ARRDC2: variants seen among roughly 807,000 people sequenced by gnomAD.
The protein encoded by ARRDC2 is arrestin domain-containing protein 2.
A neutral mutation model predicts 38.9 loss-of-function variants in ARRDC2; 39 were observed. The observed-to-expected ratio is 1.00, with a 90% CI of 0.78 to 1.31. ARRDC2 has a LOEUF of 1.31. Among genes scored for constraint, ARRDC2 ranks in the 50% most tolerant of loss-of-function variants. The pLI is 0.00. For missense variants in ARRDC2, 553 were observed against 588.4 expected, an observed-to-expected ratio of 0.94 and a Z score of 0.62; for synonymous variants, 300 against 261.9, an observed-to-expected ratio of 1.15 and a Z score of -1.41.
rs1302320298 is a variant in ARRDC2, at chr19:18,008,452, A to AGGCTGCGCGCGCGG, written c.146_159dup (p.Arg54CysfsTer34). ...AAGCGCCGCGCGTGTGGGTGCCCTG[A>AGGCTGCGCGCGCGG]GGCTGCGCGCGCGGGGCCGCGCCCA... On this transcript the variant is annotated frameshift_variant, in exon 1 of 8. Coordinates refer to ENST00000222250, the MANE Select transcript of ARRDC2 (RefSeq NM_015683.2). LOFTEE classifies it high-confidence loss of function. 3.2e-6 allele frequency: 5 copies of AGGCTGCGCGCGCGG among 1,552,980 alleles called. No homozygotes were observed. Among genetic ancestry groups the AGGCTGCGCGCGCGG allele is most frequent in the Non-Finnish European group, 3.5e-6 (4 of 1,157,256 alleles).
At chr19:18,009,157 G>A in intron 3 of ARRDC2, 39 bp downstream of exon 3, 2 of 1,606,018 alleles carry the variant, frequency 1.2e-6, no homozygotes, top group South Asian at 1.1e-5. Context: ...TGGGAGTATT[G>A]TAGGAAGGGG....
Position 18,008,206 on chromosome 19 carries a change from T to C in ARRDC2, c.-105T>C. 1.4e-6 allele frequency: 2 copies of C among 1,411,666 alleles called. No homozygotes were observed. Among genetic ancestry groups the C allele is most frequent in the Non-Finnish European group, 1.8e-6 (2 of 1,082,022 alleles). The allele number at this position is 1,411,666 out of a possible 1,614,324, so 87.4% of individuals were successfully genotyped here. On this transcript the variant is annotated 5_prime_UTR_variant, in exon 1 of 8. Coordinates refer to ENST00000222250, the MANE Select transcript of ARRDC2 (RefSeq NM_015683.2). ...CCGGTTGGTGAGCGCGCCTGCGCGT[T>C]GACGGCGATTTTGCGTTCTGAGGCT... is the stretch of plus-strand genomic sequence containing the variant.
In ARRDC2 at chr19:18,009,900, G is replaced by A. The variant is rs771398640; in HGVS notation, c.710G>A (p.Arg237Gln). 32 of 1,609,472 alleles carry A rather than the reference G, an allele frequency of 2.0e-5. No individual in the cohort carries two copies. The highest frequency in any genetic ancestry group is 2.4e-5 in the Non-Finnish European group (28 of 1,179,516). ...GCCCGAGGCGCCCGAAAGCAGAAACGGGCAGTGGTGGCCAGCCTCGCGGGC... is the reference window on the plus strand; with the variant it reads ...GCCCGAGGCGCCCGAAAGCAGAAACAGGCAGTGGTGGCCAGCCTCGCGGGC... ...FMARGARKQK[R>Q]AVVASLAGEP... Residue 237 changes from arginine to glutamine, a missense_variant, in exon 5 of 8, where the codon CGG becomes CAG. Arg to Gln is a conservative substitution (Grantham distance 43, BLOSUM62 1). Transcript: ENST00000222250.
In ARRDC2 at chr19:18,014,054, A is replaced by G. The variant is rs938502103; in HGVS notation, c.*1088A>G. On this transcript the variant is annotated 3_prime_UTR_variant, in exon 8 of 8. Transcript: ENST00000222250. ...CATTTCTGATATGCCTTAAGAATTCATTCTGTTTTGTACAATTATTTTTTA... is the reference window on the plus strand; with the variant it reads ...CATTTCTGATATGCCTTAAGAATTCGTTCTGTTTTGTACAATTATTTTTTA... The G allele has an allele frequency of 2.0e-5, 3 of 152,056 alleles. No individual in the cohort carries two copies. Among genetic ancestry groups the G allele is most frequent in the African/African-American group, 7.2e-5 (3 of 41,394 alleles). The allele number at this position is 152,056 out of a possible 1,614,324, so 9.4% of individuals were successfully genotyped here.
exon 1 of ARRDC2, chr19:18,001,437 G>A (rs1036906415): frequency 5.6e-6 from 7 of 1,242,198 alleles, no homozygotes; most frequent in Non-Finnish European, 7.1e-6. Flanking sequence ...CGCTGCGGGT[G>A]CGAGCGCTCG....
chr19:18,010,395 G>T, intron 6 of ARRDC2, 37 bp downstream of exon 6: 1 of 1,593,372 alleles, frequency 6.3e-7, no homozygotes. Flanking sequence ...GAGGGTGGGT[G>T]GATACACGGA....
At chr19:18,009,749 G>A in intron 4 of ARRDC2, 34 bp from the exon 5 acceptor site, 1 of 1,612,738 alleles carries the variant, frequency 6.2e-7, no homozygotes, top group Non-Finnish European at 8.5e-7. Flanking sequence ...GGTTGCAGGA[G>A]GGGAAACTGA....
At chr19:18,009,344 G>A (rs888604458) in intron 3 of ARRDC2, 1 of 645,402 alleles carries the variant, frequency 1.5e-6, no homozygotes, top group African/African-American at 1.8e-5. Flanking sequence ...CCTCTTCTGT[G>A]AAATAGACCA....
rs1046798 is a variant in ARRDC2 at position 18,013,954 on chromosome 19, G to C, written c.*988G>C. On this transcript the variant is annotated 3_prime_UTR_variant, in exon 8 of 8. Transcript: ENST00000222250. The stretch of plus-strand genomic sequence containing the variant: ...TGTGTCCTGGAGGAGAAAAGCATTA[G>C]AGGGGGCAGCTGGACAAGCTCCCAA... The C allele has an allele frequency of 6.6e-6, 1 of 152,182 alleles. No individual in the cohort carries two copies. The highest frequency in any genetic ancestry group is 1.5e-5 in the Non-Finnish European group (1 of 68,070). The allele number at this position is 152,182 out of a possible 1,614,324, so 9.4% of individuals were successfully genotyped here.
chr19:18,004,058 C>T (rs140316875), upstream of ARRDC2, among the ~76,000 whole-genome samples: 7 of 151,402 alleles, frequency 4.6e-5, no homozygotes, highest in Non-Finnish European at 8.8e-5. Flanking sequence ...CAGGCATGAG[C>T]CACCATGCCC....
At chr19:18,001,732 C>G (rs2033191227) in intron 1 of ARRDC2, among the ~76,000 whole-genome samples, 1 of 152,186 alleles carries the variant, frequency 6.6e-6, no homozygotes, top group Non-Finnish European at 1.5e-5. Flanking sequence ...TCCCACAGGT[C>G]AGGAGTTCAA....
chr19:18,001,884 G>T (rs1466169428), intron 1 of ARRDC2, among the ~76,000 whole-genome samples: 1 of 152,144 alleles, frequency 6.6e-6, no homozygotes, highest in Non-Finnish European at 1.5e-5. Context: ...GTTGTAATGG[G>T]CTGAGATCGC....
chr19:18,003,265 T>C (rs117354740), upstream of ARRDC2, among the ~76,000 whole-genome samples: 189 of 152,144 alleles, frequency 1.2e-3, 2 homozygotes, highest in East Asian at 0.03. Context: ...CACTCCGTTT[T>C]TGTGTTTGTT....
In ARRDC2 at chr19:18,013,737, G is replaced by A. The variant is rs1346437584; in HGVS notation, c.*771G>A. On this transcript the variant is annotated 3_prime_UTR_variant, in exon 8 of 8. Transcript: ENST00000222250. Reference sequence around the variant, plus strand: ...ACCCAGGGGCATCAGAGCTGCCTGGGTGTTACATGGCCCAGGGAACCCAGG... The same window carrying A: ...ACCCAGGGGCATCAGAGCTGCCTGGATGTTACATGGCCCAGGGAACCCAGG... The A allele has an allele frequency of 6.6e-6, 1 of 152,206 alleles. No homozygotes were observed. Among genetic ancestry groups the A allele is most frequent in the African/African-American group, 2.4e-5 (1 of 41,424 alleles). The allele number at this position is 152,206 out of a possible 1,614,324, so 9.4% of individuals were successfully genotyped here.
In ARRDC2 at chr19:18,010,503, C is replaced by T. The variant is rs376641323; in HGVS notation, c.1013-69C>T. 4.9e-4 allele frequency: 778 copies of T among 1,579,152 alleles called. 6 individuals are homozygous for T. In the African/African-American group the frequency reaches 8.9e-3, roughly 18 times the overall value. On this transcript the variant is annotated intron_variant, in intron 6 of 7. Coordinates refer to ENST00000222250, the MANE Select transcript of ARRDC2 (RefSeq NM_015683.2). ...GCCCCAGAGCTGGCACAAGCCAGCT[C>T]CTGGCCCCTGGTCCCTTGGAGCAGG...
At chr19:18,009,360 AGGGCTTACCAAGT>A in intron 3 of ARRDC2, 1 of 633,218 alleles carries the variant, frequency 1.6e-6, no homozygotes, top group Non-Finnish European at 2.7e-6. Flanking sequence ...GACCAGAGCT[AGGGCTTACCAAGT>A]GTGAATTACA....
At chr19:18,012,829 T>G in intron 7 of ARRDC2, 84 bp from the exon 8 acceptor site, 3 of 1,425,846 alleles carry the variant, frequency 2.1e-6, no homozygotes, top group Non-Finnish European at 2.9e-6. Flanking sequence ...AGGGCGGGAG[T>G]TGGGAGATGG....
chr19:18,005,921 G>A (rs1246840532), upstream of ARRDC2, among the ~76,000 whole-genome samples: 4 of 150,882 alleles, frequency 2.7e-5, no homozygotes, highest in Admixed American at 2.6e-4. Context: ...GGGGCGGCCG[G>A]GCAGAGACGC....
intron 4 of ARRDC2, 22 bp downstream of exon 4, chr19:18,009,716 G>A (rs757805067): frequency 4.3e-6 from 7 of 1,612,728 alleles, no homozygotes; most frequent in African/African-American, 4.0e-5. Context: ...ACCGGACTGG[G>A]TTGGGACGGG....
Sources: gnomAD v4.1 joint callset for allele counts (sites outside exome capture counted in the v4.1 genomes callset) on GRCh38, gnomAD v4.1.1 for gene constraint, MANE v1.5 for transcripts, NCBI Gene and HGNC (gene_info 2026-07-23, HGNC 2026-07-21) for gene names.